GADL1: variants seen among roughly 807,000 people sequenced by gnomAD.
GADL1 encodes GAD like acidic amino acid decarboxylase 1, also known as acidic amino acid decarboxylase GADL1.
In GADL1, 71 loss-of-function variants were observed where a neutral mutation model predicts 69.5. That is an observed-to-expected ratio of 1.02 (90% CI 0.84 to 1.25). GADL1 has a LOEUF of 1.25. GADL1 is among the 50% of genes most tolerant of loss of function. The pLI, the probability that GADL1 is intolerant of heterozygous loss-of-function variation, is 0.00. For missense variants in GADL1, 737 were observed against 631.8 expected (o/e 1.17, Z -1.79); for synonymous variants, 254 against 214.4 (o/e 1.18, Z -1.62).
intron 14 of GADL1, among the ~76,000 whole-genome samples, chr3:30,747,521 T>A (rs1231775401): frequency 2.0e-5 from 3 of 152,198 alleles, no homozygotes; most frequent in South Asian, 2.1e-4. Flanking sequence ...CCCATACATT[T>A]CTTTGGACAT....
At chr3:30,851,697 C>A (rs1015644296) in intron 4 of GADL1, among the ~76,000 whole-genome samples, 1 of 152,120 alleles carries the variant, frequency 6.6e-6, no homozygotes, top group South Asian at 2.1e-4. Context: ...TAACTCCAGA[C>A]CCCTCTTGAA....
chr3:30,768,197 AC>A (rs1481283746), intron 14 of GADL1, among the ~76,000 whole-genome samples: 4 of 152,182 alleles, frequency 2.6e-5, no homozygotes, highest in Non-Finnish European at 4.4e-5. Context: ...GGCAGCAATT[AC>A]ATTTTGAGCA....
chr3:30,889,493 G>C (rs999088330), intron 1 of GADL1, among the ~76,000 whole-genome samples: 2 of 152,186 alleles, frequency 1.3e-5, no homozygotes, highest in Non-Finnish European at 2.9e-5. Context: ...GTCAGAAAAT[G>C]TATACATAAC....
At chr3:30,854,089 G>A (rs1698190071) in intron 4 of GADL1, among the ~76,000 whole-genome samples, 1 of 152,086 alleles carries the variant, frequency 6.6e-6, no homozygotes, top group Non-Finnish European at 1.5e-5. Flanking sequence ...CATAGAGAAT[G>A]GCATGCTGTG....
intron 14 of GADL1, among the ~76,000 whole-genome samples, chr3:30,769,764 A>G (rs1231203804): frequency 6.6e-6 from 1 of 152,134 alleles, no homozygotes; most frequent in Non-Finnish European, 1.5e-5. Context: ...TACTTGACAG[A>G]TCTGACAGTA....
At chr3:30,849,824 G>T (rs748884123) in intron 6 of GADL1, among the ~76,000 whole-genome samples, 172 bp downstream of exon 6, 2 of 152,022 alleles carry the variant, frequency 1.3e-5, no homozygotes, top group African/African-American at 4.8e-5. Context: ...ATTGGACCAG[G>T]CGTTACAACA....
chr3:30,803,700 G>C (rs1485882399), intron 11 of GADL1, among the ~76,000 whole-genome samples: 1 of 152,184 alleles, frequency 6.6e-6, no homozygotes, highest in Admixed American at 6.5e-5. Flanking sequence ...AGAACAACTG[G>C]AGGCTTGGGA....
At chr3:30,748,714 A>T (rs904998139) in intron 14 of GADL1, among the ~76,000 whole-genome samples, 1 of 152,242 alleles carries the variant, frequency 6.6e-6, no homozygotes, top group African/African-American at 2.4e-5. Flanking sequence ...CACACAAAAA[A>T]CATTCAATAA....
intron 14 of GADL1, among the ~76,000 whole-genome samples, chr3:30,751,151 T>A (rs1361126425): frequency 6.6e-6 from 1 of 151,022 alleles, no homozygotes; most frequent in African/African-American, 2.5e-5. Flanking sequence ...GCTCCTGTGA[T>A]AACAAGACAG....
At chr3:30,784,060 A>G (rs1015825310) in intron 13 of GADL1, among the ~76,000 whole-genome samples, 2 of 152,222 alleles carry the variant, frequency 1.3e-5, no homozygotes, top group Admixed American at 6.5e-5. Context: ...GAGAAAATAT[A>G]AAGTGATCAA....
intron 14 of GADL1, among the ~76,000 whole-genome samples, chr3:30,756,971 G>A (rs1447436314): frequency 1.3e-5 from 2 of 152,172 alleles, no homozygotes; most frequent in Non-Finnish European, 2.9e-5. Context: ...AAGGAGAGGG[G>A]TAATAAGTAG....
intron 14 of GADL1, among the ~76,000 whole-genome samples, chr3:30,760,081 G>T (rs1559490725): frequency 6.6e-6 from 1 of 152,182 alleles, no homozygotes; most frequent in African/African-American, 2.4e-5. Context: ...TTTTGTGATT[G>T]TTTCACAGTA....
At chr3:30,790,943 T>G (rs1377732789) in intron 12 of GADL1, among the ~76,000 whole-genome samples, 1 of 151,930 alleles carries the variant, frequency 6.6e-6, no homozygotes, top group African/African-American at 2.4e-5. Flanking sequence ...GATAAATTAG[T>G]AAAAGATAAA....
chr3:30,879,266 G>A (rs1698613666), intron 1 of GADL1, among the ~76,000 whole-genome samples: 1 of 151,872 alleles, frequency 6.6e-6, no homozygotes, highest in South Asian at 2.1e-4. Flanking sequence ...AGACATTTCT[G>A]GGCTTATGCC....
intron 13 of GADL1, among the ~76,000 whole-genome samples, chr3:30,781,616 AG>A (rs1553638605): frequency 6.6e-6 from 1 of 152,208 alleles, no homozygotes; most frequent in Non-Finnish European, 1.5e-5. Context: ...ATAGCAAAAA[AG>A]CCTAAGTTTT....
intron 1 of GADL1, among the ~76,000 whole-genome samples, chr3:30,875,296 G>A (rs918772281): frequency 1.4e-4 from 21 of 151,338 alleles, no homozygotes; most frequent in Non-Finnish European, 1.9e-4. Flanking sequence ...TAGGAAGAAA[G>A]GATTCTGAAA....
chr3:30,733,231 G>T (rs1193729995), intron 14 of GADL1, among the ~76,000 whole-genome samples: 4 of 152,042 alleles, frequency 2.6e-5, no homozygotes, highest in Non-Finnish European at 2.9e-5. Context: ...ATCTGTTAAG[G>T]TTGCTATAAA....
intron 11 of GADL1, among the ~76,000 whole-genome samples, chr3:30,804,569 C>CTTG (rs10640335): frequency 0.46 from 70,201 of 151,626 alleles, 17,147 homozygotes; most frequent in East Asian, 0.7. Context: ...ATCCTTCTTA[C>CTTG]TTATCTGACT....
At chr3:30,806,890 G>A (rs1373911544) in intron 11 of GADL1, among the ~76,000 whole-genome samples, 3 of 152,154 alleles carry the variant, frequency 2.0e-5, no homozygotes, top group African/African-American at 7.2e-5. Context: ...GATTAGTGAT[G>A]GAATCTTCCA....
Sources: gnomAD v4.1 joint callset for allele counts (sites outside exome capture counted in the v4.1 genomes callset) on GRCh38, gnomAD v4.1.1 for gene constraint, MANE v1.5 for transcripts, NCBI Gene and HGNC (gene_info 2026-07-23, HGNC 2026-07-21) for gene names.